Variants in APBA2 observed in about 807,000 individuals in gnomAD.
APBA2 encodes the protein amyloid beta precursor protein binding family A member 2.
In APBA2, 30 loss-of-function variants were observed where a neutral mutation model predicts 75.0. The ratio of observed to expected loss-of-function variants is 0.40; its 90% CI spans 0.30 to 0.54. APBA2 has a LOEUF of 0.54. Among genes scored for constraint, APBA2 ranks in the 20% least tolerant of loss-of-function variants. APBA2 has a pLI of 0.49. For missense variants in APBA2, 801 were observed against 1,016.1 expected, an observed-to-expected ratio of 0.79 and a Z score of 2.88; for synonymous variants, 444 against 409.6, an observed-to-expected ratio of 1.08 and a Z score of -1.01.
At chr15:28,940,220 A>G (rs561948723) in intron 2 of APBA2, among the ~76,000 whole-genome samples, 1 of 152,150 alleles carries the variant, frequency 6.6e-6, no homozygotes, top group South Asian at 2.1e-4. Context: ...CGGGTTAAGA[A>G]AGCCTCGGGA....
At chr15:29,051,783 A>C (rs1251861921) in intron 3 of APBA2, among the ~76,000 whole-genome samples, 1 of 152,050 alleles carries the variant, frequency 6.6e-6, no homozygotes, top group African/African-American at 2.4e-5. Flanking sequence ...GGGGAAGAGG[A>C]GGTACAGGAA....
intron 11 of APBA2, 99 bp downstream of exon 11, chr15:29,105,657 T>C: frequency 7.4e-7 from 1 of 1,347,520 alleles, no homozygotes; most frequent in Non-Finnish European, 1.0e-6. Context: ...ACGCACACCC[T>C]TGCCTTCCTA....
At position 29,054,100 on chromosome 15, in the gene APBA2, C is replaced by T. The variant is rs373726232; in HGVS notation, c.216C>T (p.Ser72=). 7 of 1,614,036 alleles carry T rather than the reference C, an allele frequency of 4.3e-6. No homozygotes were observed. Among genetic ancestry groups the T allele is most frequent in the African/African-American group, 1.3e-5 (1 of 74,940 alleles). Residue 72 remains serine (S), a synonymous_variant, in exon 4 of 15, where the codon TCC becomes TCT. Coordinates refer to ENST00000683413, the MANE Select transcript of APBA2 (RefSeq NM_001353788.2). The surrounding 1 kb of genome is among the most constrained non-coding windows in gnomAD (Gnocchi z 6.1). ...ACAACCACAGCCCCGATGGGGACTCCAGCTCTGACTACGTGAACAACACCT... is the reference window on the plus strand; with the variant it reads ...ACAACCACAGCCCCGATGGGGACTCTAGCTCTGACTACGTGAACAACACCT... ...ECHNHSPDGD[S]SSDYVNNTSE... is the part of the protein sequence containing the mutation.
chr15:28,970,848 C>T (rs560915761), intron 2 of APBA2, among the ~76,000 whole-genome samples: 7 of 152,170 alleles, frequency 4.6e-5, no homozygotes, highest in African/African-American at 1.7e-4. Context: ...GGAGTCCCCA[C>T]CTGCCAGTCT....
chr15:28,938,904 C>T lies in APBA2; in HGVS notation c.-95+17155C>T, dbSNP rs545754925. Reference sequence around the variant, plus strand: ...TCTTAATCATTTTAAGTGTATAGTTCGGTGGAATTAAGTACATCAACATTG... The same window carrying T: ...TCTTAATCATTTTAAGTGTATAGTTTGGTGGAATTAAGTACATCAACATTG... On this transcript the variant is annotated intron_variant, in intron 2 of 14. Transcript: ENST00000683413. Among the ~76,000 whole-genome samples the T allele has an allele frequency of 9.0e-4, 137 of 152,254 alleles. 1 individual carries two copies. Among genetic ancestry groups the T allele is most frequent in the African/African-American group, 3.0e-3 (125 of 41,534 alleles).
At chr15:29,072,899 C>A (rs2042686908) in intron 4 of APBA2, among the ~76,000 whole-genome samples, 1 of 152,172 alleles carries the variant, frequency 6.6e-6, no homozygotes, top group Non-Finnish European at 1.5e-5. Context: ...CTAGGAAGGG[C>A]AGCCCCATGT....
chr15:28,958,124 A>G (rs1245999360), intron 2 of APBA2, among the ~76,000 whole-genome samples: 1 of 152,218 alleles, frequency 6.6e-6, no homozygotes, highest in African/African-American at 2.4e-5. Context: ...TCAAAGTTAG[A>G]TAAGACCATG....
At chr15:28,989,375 G>C (rs1343401009) in intron 2 of APBA2, among the ~76,000 whole-genome samples, 1 of 152,140 alleles carries the variant, frequency 6.6e-6, no homozygotes, top group African/African-American at 2.4e-5. Context: ...GGCCTGGGAG[G>C]ATGCGCAGGT....
At position 28,984,575 on chromosome 15, in the gene APBA2, C is replaced by T. The variant is rs571259316; in HGVS notation, c.-94-11178C>T. Among the ~76,000 whole-genome samples the T allele has an allele frequency of 1.2e-4, 18 of 152,104 alleles. No individual in the cohort carries two copies. In the South Asian group the frequency reaches 3.5e-3, roughly 30 times the overall value. ...TTTCCAACTCAGACCAGTGGAGGGGCGCGCTGTGGTTACCACTCATTAGAA... is the reference window on the plus strand; with the variant it reads ...TTTCCAACTCAGACCAGTGGAGGGGTGCGCTGTGGTTACCACTCATTAGAA... On this transcript the variant is annotated intron_variant, in intron 2 of 14. Coordinates refer to ENST00000683413, the MANE Select transcript of APBA2 (RefSeq NM_001353788.2).
At chr15:28,975,314 A>G (rs1338718649) in intron 2 of APBA2, among the ~76,000 whole-genome samples, 2 of 152,228 alleles carry the variant, frequency 1.3e-5, no homozygotes, top group Non-Finnish European at 2.9e-5. Flanking sequence ...ATTCTAGAAC[A>G]TAGAAAAAGA....
chr15:28,901,908 A>ATTGTGTGTGTGTGTGTG (rs2032879823), intron 1 of APBA2, among the ~76,000 whole-genome samples: 1 of 67,378 alleles, frequency 1.5e-5, no homozygotes, highest in Non-Finnish European at 2.7e-5. Context: ...GGAGCTTTTG[A>ATTGTGTGTGTGTGTGTG]TGTGTGTGTG....
Position 29,053,942 on chromosome 15 carries a change from C to A in APBA2, c.58C>A (p.Pro20Thr). ...GSGMLDHRVRPGPVPHSQEPE... is the reference protein window; with the variant it reads ...GSGMLDHRVRTGPVPHSQEPE... Reference sequence around the variant, plus strand: ...CGGCATGTTGGACCATAGGGTGAGACCAGGTCCTGTCCCTCACAGCCAGGA... The same window carrying A: ...CGGCATGTTGGACCATAGGGTGAGAACAGGTCCTGTCCCTCACAGCCAGGA... Residue 20 changes from proline to threonine, a missense_variant, in exon 4 of 15, where the codon CCA becomes ACA. Physicochemically the swap from Pro to Thr is conservative, Grantham distance 38 (BLOSUM62 -1). This residue lies in a region of APBA2 where 434 missense variants were observed against 471.6 expected (regional missense o/e 0.92). Transcript: ENST00000683413. The A allele has an allele frequency of 6.2e-7, 1 of 1,614,032 alleles. No homozygotes were observed. Among genetic ancestry groups the A allele is most frequent in the Non-Finnish European group, 8.5e-7 (1 of 1,179,984 alleles).
At chr15:29,045,160 C>T (rs975702487) in intron 3 of APBA2, among the ~76,000 whole-genome samples, 4 of 150,808 alleles carry the variant, frequency 2.7e-5, no homozygotes, top group African/African-American at 4.9e-5. Flanking sequence ...TCACTGCAAC[C>T]TCCGCCTCCC....
At chr15:29,027,822 C>T (rs903272864) in intron 3 of APBA2, among the ~76,000 whole-genome samples, 3 of 151,990 alleles carry the variant, frequency 2.0e-5, no homozygotes, top group Admixed American at 6.6e-5. Flanking sequence ...AGGATGGTCT[C>T]GATCTCCTGA....
At chr15:29,071,002 A>G (rs75398112) in intron 4 of APBA2, 10,884 of 449,202 alleles carry the variant, frequency 0.024, 1,016 homozygotes, top group African/African-American at 0.2. Context: ...CTGGCTTTCC[A>G]CTGATGCCCT....
intron 3 of APBA2, among the ~76,000 whole-genome samples, chr15:29,020,505 T>C (rs2039897091): frequency 6.6e-6 from 1 of 151,854 alleles, no homozygotes; most frequent in South Asian, 2.1e-4. Context: ...TTTTAAAAAA[T>C]ATATTTAAAA....
chr15:28,917,307 C>T (rs1380478162), intron 1 of APBA2, among the ~76,000 whole-genome samples: 1 of 152,104 alleles, frequency 6.6e-6, no homozygotes, highest in Non-Finnish European at 1.5e-5. Flanking sequence ...GAGATGGTAC[C>T]CAGAGCCTGA....
intron 6 of APBA2, among the ~76,000 whole-genome samples, chr15:29,082,355 A>G (rs1051143615): frequency 6.6e-6 from 1 of 152,234 alleles, no homozygotes; most frequent in African/African-American, 2.4e-5. Flanking sequence ...ATCACTTCAC[A>G]TAGCTACCTT....
At chr15:29,089,817 C>T (rs527492199) in intron 6 of APBA2, among the ~76,000 whole-genome samples, 1 of 152,206 alleles carries the variant, frequency 6.6e-6, no homozygotes, top group Admixed American at 6.5e-5. Context: ...ATAAATCACT[C>T]TCTGGGGAGA....
Sources: gnomAD v4.1 joint callset for allele counts (sites outside exome capture counted in the v4.1 genomes callset) on GRCh38, gnomAD v4.1.1 for gene constraint, gnomAD v4.1.1 regional missense constraint, Gnocchi (gnomAD v3.1) non-coding constraint, MANE v1.5 for transcripts, NCBI Gene and HGNC (gene_info 2026-07-23, HGNC 2026-07-21) for gene names.